Variants in PARPBP observed in about 807,000 individuals in gnomAD.
The protein encoded by PARPBP is PARP1 binding protein.
In PARPBP, 52 loss-of-function variants were observed where a neutral mutation model predicts 50.0. That is an observed-to-expected ratio of 1.04 (90% confidence interval 0.83 to 1.31). The LOEUF (loss-of-function observed/expected upper bound fraction) is 1.31, where lower values mean the gene tolerates loss of function less well. PARPBP is among the 50% of genes most tolerant of loss of function. The pLI, the probability that PARPBP is intolerant of heterozygous loss-of-function variation, is 0.00. For missense variants in PARPBP, 697 were observed against 672.0 expected, an observed-to-expected ratio of 1.04 and a Z score of -0.41; for synonymous variants, 244 against 232.1, an observed-to-expected ratio of 1.05 and a Z score of -0.47.
chr12:102,145,520 A>G (rs1232194601), intron 2 of PARPBP, among the ~76,000 whole-genome samples: 1 of 147,422 alleles, frequency 6.8e-6, no homozygotes, highest in African/African-American at 2.5e-5. Flanking sequence ...AATGGAATCA[A>G]TAAAAAAAAC....
At chr12:102,159,658 TAATAG>T (rs199775671) in intron 4 of PARPBP, among the ~76,000 whole-genome samples, 179 of 151,754 alleles carry the variant, frequency 1.2e-3, no homozygotes, top group African/African-American at 3.9e-3. Context: ...ATGAAGGGAA[TAATAG>T]AATAAAGGCC....
intron 3 of PARPBP, among the ~76,000 whole-genome samples, chr12:102,152,339 A>T (rs1886312855): frequency 6.8e-6 from 1 of 146,150 alleles, no homozygotes; most frequent in Non-Finnish European, 1.5e-5. Context: ...AGTATTCCAG[A>T]TCAAGGTTCC....
At position 102,196,597 on chromosome 12, in the gene PARPBP, T is replaced by C. The variant is rs1432519688; in HGVS notation, c.*306T>C. ...GTAGCAGTATGGGCTTCTCCTCCCA[T>C]TGGCAATTAAATGCTTTTATTTTCT... On this transcript the variant is annotated 3_prime_UTR_variant, in exon 11 of 11. Coordinates refer to ENST00000327680, the MANE Select transcript of PARPBP (RefSeq NM_017915.5). 2.4e-6 allele frequency: 3 copies of C among 1,255,592 alleles called. No individual in the cohort carries two copies. Among genetic ancestry groups the C allele is most frequent in the Non-Finnish European group, 1.2e-6 (1 of 853,946 alleles). The allele number at this position is 1,255,592 out of a possible 1,614,324, so 77.8% of individuals were successfully genotyped here. A position where few individuals can be genotyped will look rare whatever the true frequency, so the allele number is the denominator to read the frequency against.
At chr12:102,181,838 C>T (rs1022239274) in intron 8 of PARPBP, among the ~76,000 whole-genome samples, 10 of 152,106 alleles carry the variant, frequency 6.6e-5, no homozygotes, top group African/African-American at 2.2e-4. Context: ...GATCAAGGCA[C>T]CAGCAGATTT....
chr12:102,172,200 T>C (rs1167621165), intron 6 of PARPBP, among the ~76,000 whole-genome samples: 3 of 152,196 alleles, frequency 2.0e-5, no homozygotes, highest in Non-Finnish European at 4.4e-5. Context: ...AGTCAGGAGC[T>C]CAGTTTGCCT....
chr12:102,195,717 T>G (rs993370971), intron 10 of PARPBP, among the ~76,000 whole-genome samples: 7 of 151,752 alleles, frequency 4.6e-5, no homozygotes, highest in Non-Finnish European at 1.0e-4. Context: ...AAATATTTCT[T>G]AATAGGGCTG....
At chr12:102,164,281 A>T (rs1177704018) in intron 4 of PARPBP, among the ~76,000 whole-genome samples, 157 bp from the exon 5 acceptor site, 2 of 152,106 alleles carry the variant, frequency 1.3e-5, no homozygotes, top group African/African-American at 4.8e-5. Flanking sequence ...GAGTTTATTG[A>T]TTGCCCAACC....
In PARPBP at chr12:102,197,194, G is replaced by A; in HGVS notation, c.*903G>A. 1 of 1,572,150 alleles carries A rather than the reference G, an allele frequency of 6.4e-7. No individual in the cohort carries two copies. Among genetic ancestry groups the A allele is most frequent in the Non-Finnish European group, 8.7e-7 (1 of 1,144,252 alleles). On this transcript the variant is annotated 3_prime_UTR_variant, in exon 11 of 11. Transcript: ENST00000327680. ...GTTCTGTAAAGAGAAGGTTGATTTG[G>A]TTTTTAGCTATCGTATTCGGAGTGG...
rs2138694540 is a variant in PARPBP, at chr12:102,148,468, G to C, written c.387+5G>C. On this transcript the variant is annotated splice_donor_5th_base_variant and intron_variant, in intron 3 of 10. Transcript: ENST00000327680. Reference sequence around the variant, plus strand: ...AATTATAACACAGTATCTCCTGTAAGTATTTTTTAAACAATTCTATTTTAA... The same window carrying C: ...AATTATAACACAGTATCTCCTGTAACTATTTTTTAAACAATTCTATTTTAA... 9.0e-7 allele frequency: 1 copy of C among 1,114,402 alleles called. No homozygotes were observed. The highest frequency in any genetic ancestry group is 2.5e-5 in the East Asian group (1 of 40,290). 69.0% of individuals were successfully genotyped at this position (1,114,402 alleles called of 1,614,324 possible). A position where few individuals can be genotyped will look rare whatever the true frequency, so the allele number is the denominator to read the frequency against.
chr12:102,120,187 T>TCAGCGGCGA lies in PARPBP; in HGVS notation c.-92_-84dup, dbSNP rs1213590626. 34 of 247,480 alleles carry TCAGCGGCGA rather than the reference T, an allele frequency of 1.4e-4. No homozygotes were observed. The highest frequency in any genetic ancestry group is 4.0e-4 in the South Asian group (12 of 29,706). 15.3% of individuals were successfully genotyped at this position (247,480 alleles called of 1,614,324 possible). A position where few individuals can be genotyped will look rare whatever the true frequency, so the allele number is the denominator to read the frequency against. ...GCCTCCCGCGAGGTTTGAACTGTAT[T>TCAGCGGCGA]CAGCGGCGACAGCGGCGACTGCGGC... is the stretch of plus-strand genomic sequence containing the variant. On this transcript the variant is annotated 5_prime_UTR_variant, in exon 1 of 11. Coordinates refer to ENST00000327680, the MANE Select transcript of PARPBP (RefSeq NM_017915.5).
intron 2 of PARPBP, among the ~76,000 whole-genome samples, chr12:102,127,060 A>T (rs1293667668): frequency 1.3e-5 from 2 of 152,162 alleles, no homozygotes; most frequent in Non-Finnish European, 2.9e-5. Context: ...TTAAGTAGTT[A>T]CATGATAGAC....
chr12:102,164,016 A>G (rs1887868010), intron 4 of PARPBP, among the ~76,000 whole-genome samples: 1 of 152,000 alleles, frequency 6.6e-6, no homozygotes, highest in South Asian at 2.1e-4. Flanking sequence ...TTGGATGAAA[A>G]CTGGATATTA....
chr12:102,177,673 A>C (rs1889411994), intron 7 of PARPBP, among the ~76,000 whole-genome samples: 1 of 152,146 alleles, frequency 6.6e-6, no homozygotes, highest in South Asian at 2.1e-4. Context: ...TTCGTATCTC[A>C]CAATATATTT....
At chr12:102,195,825 A>G in intron 10 of PARPBP, 126 bp from the exon 11 acceptor site, 1 of 613,570 alleles carries the variant, frequency 1.6e-6, no homozygotes. Context: ...CATATTATTT[A>G]TAGCATTATT....
Position 102,165,781 on chromosome 12 carries a change from C to G in PARPBP, c.719C>G (p.Pro240Arg), listed in dbSNP as rs1418494758. Residue 240 changes from proline (P) to arginine (R), a missense_variant, in exon 6 of 11, where the codon CCA (proline) becomes CGA (arginine). Coordinates refer to ENST00000327680, the MANE Select transcript of PARPBP (RefSeq NM_017915.5). ...GAGCTTGGAGGGAAAGGATATGCACCACCACCATCAGATCCTTTAAGGACA... is the reference window on the plus strand; with the variant it reads ...GAGCTTGGAGGGAAAGGATATGCACGACCACCATCAGATCCTTTAAGGACA... ...TIELGGKGYA[P>R]PPSDPLRTHV... The G allele has an allele frequency of 6.2e-7, 1 of 1,604,348 alleles. No individual in the cohort carries two copies. Among genetic ancestry groups the G allele is most frequent in the Non-Finnish European group, 8.5e-7 (1 of 1,171,738 alleles).
chr12:102,182,241 A>G (rs1382173857), intron 8 of PARPBP, among the ~76,000 whole-genome samples: 1 of 152,190 alleles, frequency 6.6e-6, no homozygotes, highest in African/African-American at 2.4e-5. Context: ...TCATGGCGGT[A>G]AACAACTGAT....
rs193261809 is a variant in PARPBP, at chr12:102,142,105, C to T, written c.154-6125C>T. Among the ~76,000 whole-genome samples the T allele has an allele frequency of 4.4e-3, 676 of 152,292 alleles. 8 individuals are homozygous for T. The highest frequency in any genetic ancestry group is 0.015 in the African/African-American group (628 of 41,560). On this transcript the variant is annotated intron_variant, in intron 2 of 10. Coordinates refer to ENST00000327680, the MANE Select transcript of PARPBP (RefSeq NM_017915.5). ...TTTTCCAACTTGGTTCCATTCTCCCCGTCACTTTCAGGTACACCAATCAGA... is the reference window on the plus strand; with the variant it reads ...TTTTCCAACTTGGTTCCATTCTCCCTGTCACTTTCAGGTACACCAATCAGA...
At position 102,165,770 on chromosome 12, in the gene PARPBP, A is replaced by AGGAT. The variant is rs761739751; in HGVS notation, c.709_712dup (p.Tyr238TrpfsTer19). On this transcript the variant is annotated frameshift_variant, in exon 6 of 11. Coordinates refer to ENST00000327680, the MANE Select transcript of PARPBP (RefSeq NM_017915.5). LOFTEE classifies it high-confidence loss of function. ...TTAGAACAATAGAGCTTGGAGGGAA[A>AGGAT]GGATATGCACCACCACCATCAGATC... 10 of 1,609,128 alleles carry AGGAT rather than the reference A, an allele frequency of 6.2e-6. No individual in the cohort carries two copies. The highest frequency in any genetic ancestry group is 7.6e-6 in the Non-Finnish European group (9 of 1,176,640).
chr12:102,168,196 G>C (rs536080346), intron 6 of PARPBP, among the ~76,000 whole-genome samples: 1 of 151,958 alleles, frequency 6.6e-6, no homozygotes, highest in Admixed American at 6.6e-5. Context: ...GTGAAGTTTT[G>C]GAAAAGAGCA....
Sources: allele counts gnomAD v4.1 joint callset (sites outside exome capture counted in the v4.1 genomes callset), GRCh38; gene constraint gnomAD v4.1.1; transcripts MANE v1.5; gene names NCBI Gene and HGNC (gene_info 2026-07-23, HGNC 2026-07-21).